DENND1B: variants seen among roughly 807,000 people sequenced by gnomAD.
DENND1B encodes DENN domain containing 1B.
In DENND1B, 59 loss-of-function variants were observed where a neutral mutation model predicts 90.1. That is an observed-to-expected ratio of 0.65 (90% CI 0.53 to 0.81). The LOEUF (loss-of-function observed/expected upper bound fraction) is 0.81, where lower values mean the gene tolerates loss of function less well. DENND1B is among the 40% of genes least tolerant of loss of function. The pLI, the probability that DENND1B is intolerant of heterozygous loss-of-function variation, is 0.00. For synonymous variants in DENND1B, 337 were observed against 324.6 expected (o/e 1.04, Z -0.41); for missense variants, 862 against 912.6 (o/e 0.94, Z 0.71).
At chr1:197,546,070 A>C (rs1670795611) in intron 17 of DENND1B, 80 bp from the exon 18 acceptor site, 2 of 1,213,020 alleles carry the variant, frequency 1.6e-6, no homozygotes, top group Non-Finnish European at 2.3e-6. Context: ...AGTAAGTTGC[A>C]TATTTAAAAA....
intron 20 of DENND1B, among the ~76,000 whole-genome samples, chr1:197,517,052 C>A (rs1217328261): frequency 1.3e-5 from 2 of 151,804 alleles, no homozygotes; most frequent in African/African-American, 2.4e-5. Context: ...TGTCTGCCTG[C>A]ACCACTACAC....
At chr1:197,611,560 C>A (rs1344159017) in intron 12 of DENND1B, among the ~76,000 whole-genome samples, 1 of 150,574 alleles carries the variant, frequency 6.6e-6, no homozygotes, top group Non-Finnish European at 1.5e-5. Flanking sequence ...AATTTTACTT[C>A]ATGACTCATA....
intron 14 of DENND1B, among the ~76,000 whole-genome samples, chr1:197,585,216 T>A (rs776337100): frequency 6.6e-6 from 1 of 152,194 alleles, no homozygotes; most frequent in Non-Finnish European, 1.5e-5. Flanking sequence ...TGACTGAATT[T>A]TAAAAATAAA....
At chr1:197,562,872 A>G (rs1672291258) in intron 15 of DENND1B, among the ~76,000 whole-genome samples, 1 of 151,970 alleles carries the variant, frequency 6.6e-6, no homozygotes, top group Non-Finnish European at 1.5e-5. Flanking sequence ...ACGAATGACA[A>G]GAAGGTGAAA....
chr1:197,658,920 TC>T (rs1403176001), intron 5 of DENND1B, among the ~76,000 whole-genome samples: 11 of 150,954 alleles, frequency 7.3e-5, no homozygotes, highest in Non-Finnish European at 1.2e-4. Flanking sequence ...CAAATATAAT[TC>T]AAAATTTAAT....
chr1:197,733,388 C>T (rs1424548063), intron 2 of DENND1B, among the ~76,000 whole-genome samples: 4 of 152,306 alleles, frequency 2.6e-5, no homozygotes, highest in African/African-American at 4.8e-5. Context: ...AATGTTTCTC[C>T]TGTTATTCTT....
intron 2 of DENND1B, among the ~76,000 whole-genome samples, chr1:197,745,921 A>G (rs1663697487): frequency 1.3e-5 from 2 of 152,262 alleles, no homozygotes; most frequent in South Asian, 2.1e-4. Context: ...ATTCTGAAAT[A>G]TCAAGTCTAC....
chr1:197,769,267 AC>A (rs1656102978), intron 2 of DENND1B, among the ~76,000 whole-genome samples: 1 of 152,214 alleles, frequency 6.6e-6, no homozygotes, highest in Non-Finnish European at 1.5e-5. Context: ...TAAATCAATC[AC>A]AATAGTCTTG....
intron 13 of DENND1B, among the ~76,000 whole-genome samples, chr1:197,604,517 C>A (rs541678553): frequency 6.6e-6 from 1 of 151,156 alleles, no homozygotes; most frequent in East Asian, 2.0e-4. Flanking sequence ...ACAACTGTGA[C>A]CACTGACCTT....
At chr1:197,526,951 A>C (rs1669177959) in intron 20 of DENND1B, among the ~76,000 whole-genome samples, 1 of 152,216 alleles carries the variant, frequency 6.6e-6, no homozygotes, top group Non-Finnish European at 1.5e-5. Flanking sequence ...AAAGTACTAC[A>C]TAATGTCCAC....
intron 15 of DENND1B, among the ~76,000 whole-genome samples, chr1:197,557,358 G>A (rs1305255060): frequency 1.3e-5 from 2 of 151,846 alleles, no homozygotes; most frequent in East Asian, 1.9e-4. Flanking sequence ...CTTGCTAAAA[G>A]GTTTTCATTT....
chr1:197,735,130 T>C, intron 2 of DENND1B: 1 of 964,208 alleles, frequency 1.0e-6, no homozygotes, highest in Non-Finnish European at 1.2e-6. Context: ...TAAATCTATA[T>C]TATATATGAA....
At chr1:197,628,457 A>T (rs551402290) in intron 10 of DENND1B, among the ~76,000 whole-genome samples, 4 of 152,326 alleles carry the variant, frequency 2.6e-5, no homozygotes, top group African/African-American at 9.6e-5. Context: ...TGGTGCTGGG[A>T]AAACTGGCTA....
chr1:197,666,131 G>A (rs1376368176), intron 5 of DENND1B, among the ~76,000 whole-genome samples: 1 of 152,026 alleles, frequency 6.6e-6, no homozygotes, highest in African/African-American at 2.4e-5. Context: ...TATTCAGAAG[G>A]GAAATATTTT....
At chr1:197,555,968 A>G (rs1671681974) in intron 15 of DENND1B, among the ~76,000 whole-genome samples, 1 of 152,114 alleles carries the variant, frequency 6.6e-6, no homozygotes, top group Non-Finnish European at 1.5e-5. Flanking sequence ...GCCTTTTACC[A>G]GCAGACTGGA....
At chr1:197,686,046 C>T (rs1444050485) in intron 3 of DENND1B, among the ~76,000 whole-genome samples, 2 of 152,052 alleles carry the variant, frequency 1.3e-5, no homozygotes, top group Non-Finnish European at 2.9e-5. Flanking sequence ...TCAAAGAGCC[C>T]TCACCAAATA....
chr1:197,545,898 T>C (rs1214601793), intron 18 of DENND1B, 24 bp downstream of exon 18: 2 of 1,560,640 alleles, frequency 1.3e-6, no homozygotes, highest in Non-Finnish European at 8.7e-7. Flanking sequence ...ATAAATAGGA[T>C]TGTTAAATAT....
intron 13 of DENND1B, among the ~76,000 whole-genome samples, chr1:197,599,217 A>C (rs1196522563): frequency 6.6e-6 from 1 of 151,888 alleles, no homozygotes; most frequent in Non-Finnish European, 1.5e-5. Flanking sequence ...AAGGACAGTA[A>C]GCCAGGAAGG....
At chr1:197,640,376 G>A (rs1680162903) in intron 10 of DENND1B, among the ~76,000 whole-genome samples, 2 of 151,636 alleles carry the variant, frequency 1.3e-5, no homozygotes, top group Non-Finnish European at 2.9e-5. Flanking sequence ...GGGAGGCTGA[G>A]GTAGGAGAAT....
Sources: gnomAD v4.1 joint callset for allele counts (sites outside exome capture counted in the v4.1 genomes callset) on GRCh38, gnomAD v4.1.1 for gene constraint, MANE v1.5 for transcripts, NCBI Gene and HGNC (gene_info 2026-07-23, HGNC 2026-07-21) for gene names.